The following SLC13A3 variants were observed in gnomAD, a reference collection of about 807,000 sequenced individuals.
SLC13A3 encodes the protein solute carrier family 13 member 3.
Under a neutral mutation model 59.0 loss-of-function variants are expected in SLC13A3, and 40 were observed. The ratio of observed to expected loss-of-function variants is 0.68; its 90% confidence interval spans 0.53 to 0.88. The LOEUF is 0.88. Ranked by LOEUF, SLC13A3 falls within the 40% of genes least tolerant of loss-of-function variation. The pLI, the probability that SLC13A3 is intolerant of heterozygous loss-of-function variation, is 0.00. For synonymous variants in SLC13A3, 317 were observed against 330.3 expected (o/e 0.96, Z 0.44); for missense variants, 699 against 783.2 (o/e 0.89, Z 1.28).
At chr20:46,646,532 G>C (rs1388687802) in intron 1 of SLC13A3, among the ~76,000 whole-genome samples, 1 of 152,174 alleles carries the variant, frequency 6.6e-6, no homozygotes, top group Non-Finnish European at 1.5e-5. Flanking sequence ...CAGAATGAGA[G>C]GGTGTGAGTC....
intron 8 of SLC13A3, chr20:46,585,394 T>C: frequency 1.0e-6 from 1 of 998,172 alleles, no homozygotes; most frequent in Non-Finnish European, 1.2e-6. Context: ...TGAGTATGCA[T>C]AACTTTTGAA....
upstream of SLC13A3, among the ~76,000 whole-genome samples, chr20:46,654,396 A>C (rs2062970546): frequency 6.6e-6 from 1 of 152,226 alleles, no homozygotes; most frequent in South Asian, 2.1e-4. Context: ...CCATTTAACC[A>C]ATTCCAGCAA....
At chr20:46,648,128 T>C (rs771960470) in intron 1 of SLC13A3, among the ~76,000 whole-genome samples, 12 of 152,186 alleles carry the variant, frequency 7.9e-5, no homozygotes, top group Non-Finnish European at 1.2e-4. Context: ...CTGGTGAAGA[T>C]GACCAGAATT....
intron 9 of SLC13A3, among the ~76,000 whole-genome samples, chr20:46,580,044 C>T (rs775361405): frequency 4.6e-5 from 7 of 152,092 alleles, no homozygotes; most frequent in Non-Finnish European, 1.0e-4. Context: ...CGGCTCACTG[C>T]AACCGGGTTC....
intron 6 of SLC13A3, among the ~76,000 whole-genome samples, chr20:46,590,792 C>T (rs1330600828): frequency 4.6e-5 from 7 of 152,198 alleles, no homozygotes; most frequent in South Asian, 2.1e-4. Context: ...AATCCCACTT[C>T]TGGAAATGTA....
intron 3 of SLC13A3, among the ~76,000 whole-genome samples, chr20:46,606,626 C>T: frequency 6.6e-6 from 1 of 152,146 alleles, no homozygotes; most frequent in Admixed American, 6.5e-5. Context: ...ATCACTTGAG[C>T]CTGGGAGTTT....
At chr20:46,617,449 C>T (rs2062567913) in intron 1 of SLC13A3, among the ~76,000 whole-genome samples, 1 of 150,470 alleles carries the variant, frequency 6.6e-6, no homozygotes, top group Non-Finnish European at 1.5e-5. Context: ...CACAGTGAAA[C>T]CTGGTCTCTA....
rs1286219132 is a variant in SLC13A3, at chr20:46,610,585, G to T, written c.402C>A (p.Thr134=). 1.2e-6 allele frequency: 2 copies of T among 1,613,732 alleles called. No homozygotes were observed. Among genetic ancestry groups the T allele is most frequent in the East Asian group, 2.2e-5 (1 of 44,864 alleles). The part of the protein sequence containing the change: ...PARLILGMMV[T]TSFLSMWLSN... ...TCAGCCACATGGACAAGAACGAGGT[G>T]GTCACCATCATCCCCAGGATGAGCC... Residue 134 remains threonine (T), a synonymous_variant, in exon 3 of 13, where the codon ACC becomes ACA. Coordinates refer to ENST00000279027, the MANE Select transcript of SLC13A3 (RefSeq NM_022829.6).
At chr20:46,616,182 A>G (rs1240092519) in intron 1 of SLC13A3, among the ~76,000 whole-genome samples, 1 of 152,234 alleles carries the variant, frequency 6.6e-6, no homozygotes, top group Non-Finnish European at 1.5e-5. Flanking sequence ...GAGGTAAGAT[A>G]TCTTTGAGAA....
At chr20:46,587,741 A>G (rs951758430) in intron 8 of SLC13A3, among the ~76,000 whole-genome samples, 1 of 152,156 alleles carries the variant, frequency 6.6e-6, no homozygotes, top group Non-Finnish European at 1.5e-5. Context: ...TTAGCACATA[A>G]TAGGTTCTCA....
intron 11 of SLC13A3, among the ~76,000 whole-genome samples, chr20:46,565,187 G>T (rs6017918): frequency 2.6e-5 from 4 of 152,112 alleles, no homozygotes; most frequent in African/African-American, 9.7e-5. Context: ...TTTTCATTCT[G>T]TCATGGTTTC....
At chr20:46,600,406 GGAGGAAGGAAGGAAGGAAAGGA>G (rs1568930162) in intron 3 of SLC13A3, among the ~76,000 whole-genome samples, 17 of 146,514 alleles carry the variant, frequency 1.2e-4, no homozygotes, top group East Asian at 5.9e-4. Context: ...AAGAAAGAAA[GGAGGAAGGAAGGAAGGAAAGGA>G]AGGAAGGAAG....
rs867950406 is a variant in SLC13A3, at chr20:46,589,203, G to A, written c.973C>T (p.Arg325Ter). 17 of 1,614,184 alleles carry A rather than the reference G, an allele frequency of 1.1e-5. No homozygotes were observed. Among genetic ancestry groups the A allele is most frequent in the Non-Finnish European group, 1.3e-5 (15 of 1,180,032 alleles). Residue 325 changes from arginine to a stop codon, truncating the protein, a stop_gained, in exon 7 of 13, where the codon CGA (arginine) becomes TGA (stop). Transcript: ENST00000279027. LOFTEE classifies it high-confidence loss of function. ...TGGTATTCTTCCCGAATTACAGCTCGAGCCCTATCTTCTGCATTGGTTCTT... is the reference window on the plus strand; with the variant it reads ...TGGTATTCTTCCCGAATTACAGCTCAAGCCCTATCTTCTGCATTGGTTCTT... ...EIRTNAEDRARAVIREEYQNL... is the reference protein window; with the variant it reads ...EIRTNAEDRA
At chr20:46,641,356 A>C (rs1194890471) in intron 1 of SLC13A3, among the ~76,000 whole-genome samples, 1 of 152,232 alleles carries the variant, frequency 6.6e-6, no homozygotes, top group Non-Finnish European at 1.5e-5. Context: ...CACTATAAGC[A>C]TAAACCTGCT....
chr20:46,683,589 C>G (rs2063164159), intron 1 of SLC13A3, among the ~76,000 whole-genome samples: 1 of 152,190 alleles, frequency 6.6e-6, no homozygotes, highest in East Asian at 1.9e-4. Context: ...ATCTATAAAA[C>G]TCCCTTGCAT....
chr20:46,626,838 T>G (rs55700352), intron 1 of SLC13A3, among the ~76,000 whole-genome samples: 1 of 151,918 alleles, frequency 6.6e-6, no homozygotes, highest in Non-Finnish European at 1.5e-5. Flanking sequence ...CCAGGCCTTT[T>G]CCCCCGTCCA....
chr20:46,593,351 A>G lies in SLC13A3; in HGVS notation c.795-822T>C, dbSNP rs707506. Among the ~76,000 whole-genome samples the G allele has an allele frequency of 3.1e-3, 479 of 152,364 alleles. 8 individuals carry two copies. The highest frequency in any genetic ancestry group is 0.011 in the African/African-American group (465 of 41,592). On this transcript the variant is annotated intron_variant, in intron 5 of 12. Coordinates refer to ENST00000279027, the MANE Select transcript of SLC13A3 (RefSeq NM_022829.6). ...AACAACCAGAAATGTGGTCAGGAAT[A>G]TAAGTGCTAGATTGAAAAGAGGAAA...
At chr20:46,585,077 C>T (rs1214435567) in intron 8 of SLC13A3, 1 of 879,050 alleles carries the variant, frequency 1.1e-6, no homozygotes, top group Non-Finnish European at 1.4e-6. Context: ...AAAGTGCTCC[C>T]ATTCTGTAGA....
intron 1 of SLC13A3, among the ~76,000 whole-genome samples, chr20:46,682,810 A>C (rs2063159692): frequency 6.6e-6 from 1 of 152,122 alleles, no homozygotes; most frequent in South Asian, 2.1e-4. Context: ...GGTTGGGTTT[A>C]GCTGGGGATT....
Sources: allele counts gnomAD v4.1 joint callset (sites outside exome capture counted in the v4.1 genomes callset), GRCh38; gene constraint gnomAD v4.1.1; transcripts MANE v1.5; gene names NCBI Gene and HGNC (gene_info 2026-07-23, HGNC 2026-07-21).